HSDL2: variants seen among roughly 807,000 people sequenced by gnomAD.
HSDL2 encodes the protein hydroxysteroid dehydrogenase like 2.
A neutral mutation model predicts 46.3 loss-of-function variants in HSDL2; 27 were observed. That is an observed-to-expected ratio of 0.58 (90% CI 0.43 to 0.80). The LOEUF (loss-of-function observed/expected upper bound fraction) is 0.80, where lower values mean the gene tolerates loss of function less well. HSDL2 is among the 30% of genes least tolerant of loss of function. HSDL2 has a pLI of 0.00. For missense variants in HSDL2, 451 were observed against 502.7 expected (o/e 0.90, Z 0.98); for synonymous variants, 153 against 163.6 (o/e 0.94, Z 0.50).
chr9:112,445,345 C>T (rs898973487), intron 8 of HSDL2, among the ~76,000 whole-genome samples: 1 of 152,056 alleles, frequency 6.6e-6, no homozygotes, highest in Non-Finnish European at 1.5e-5. Flanking sequence ...TAAGTTTGTC[C>T]TCTGTATTAA....
chr9:112,410,509 A>G (rs938371458), intron 4 of HSDL2, among the ~76,000 whole-genome samples: 2 of 152,092 alleles, frequency 1.3e-5, no homozygotes, highest in Non-Finnish European at 2.9e-5. Context: ...ACGAGGGTTA[A>G]ATGTCTAAGT....
chr9:112,439,024 A>G (rs1019479195), intron 7 of HSDL2, among the ~76,000 whole-genome samples: 3 of 152,176 alleles, frequency 2.0e-5, no homozygotes, highest in African/African-American at 7.2e-5. Context: ...TATTTGAGAA[A>G]GGGTCTCACT....
intron 3 of HSDL2, among the ~76,000 whole-genome samples, chr9:112,407,174 C>G (rs2132626005): frequency 6.6e-6 from 1 of 152,296 alleles, no homozygotes. Flanking sequence ...AATGTGAATG[C>G]CTGTGTCAGA....
intron 8 of HSDL2, among the ~76,000 whole-genome samples, chr9:112,443,180 CT>C (rs1832678755): frequency 6.6e-6 from 1 of 152,166 alleles, no homozygotes; most frequent in African/African-American, 2.4e-5. Context: ...TTGGATCTGT[CT>C]TTTAGAAGAA....
chr9:112,444,691 T>C (rs1832711331), intron 8 of HSDL2, among the ~76,000 whole-genome samples: 1 of 151,546 alleles, frequency 6.6e-6, no homozygotes, highest in Admixed American at 6.6e-5. Context: ...TGAGCTATGA[T>C]CAAGCCATTA....
At chr9:112,408,862 A>T (rs1163881256) in intron 3 of HSDL2, 45 bp from the exon 4 acceptor site, 5 of 1,059,974 alleles carry the variant, frequency 4.7e-6, no homozygotes, top group Admixed American at 2.0e-5. Context: ...TTTGTGTGTG[A>T]TAAAAAGTCT....
Position 112,458,895 on chromosome 9 carries a change from A to G in HSDL2, c.1016-554A>G, listed in dbSNP as rs376503150. Among the ~76,000 whole-genome samples, 6 of 151,786 alleles carry G rather than the reference A, an allele frequency of 4.0e-5. No individual in the cohort carries two copies. The East Asian group carries it at 5.9e-4, about 15-fold the overall frequency. ...ACTAGGGAGGCTGAGGCAGGAGAAT[A>G]GCATGAACCCGGGAGGCGGAGCTTG... On this transcript the variant is annotated intron_variant, in intron 9 of 10. Transcript: ENST00000398805.
intron 8 of HSDL2, among the ~76,000 whole-genome samples, chr9:112,445,358 A>G (rs1832733553): frequency 6.6e-6 from 1 of 152,156 alleles, no homozygotes; most frequent in Admixed American, 6.5e-5. Context: ...TGTATTAAAA[A>G]GGACAGTCTG....
chr9:112,412,715 G>T (rs1831902768), intron 4 of HSDL2, among the ~76,000 whole-genome samples: 1 of 152,072 alleles, frequency 6.6e-6, no homozygotes, highest in Non-Finnish European at 1.5e-5. Context: ...AGCCCATTTG[G>T]CAAAAATAAT....
intron 9 of HSDL2, among the ~76,000 whole-genome samples, chr9:112,457,977 A>ATATCATCT (rs1156507595): frequency 6.6e-6 from 1 of 152,162 alleles, no homozygotes; most frequent in East Asian, 1.9e-4. Context: ...AAACCTTACC[A>ATATCATCT]TATCATCTTC....
At chr9:112,411,393 G>A (rs540653942) in intron 4 of HSDL2, among the ~76,000 whole-genome samples, 81 of 152,196 alleles carry the variant, frequency 5.3e-4, no homozygotes, top group Non-Finnish European at 1.0e-3. Flanking sequence ...TATGGCAAAT[G>A]GCTGGGCACA....
intron 9 of HSDL2, among the ~76,000 whole-genome samples, chr9:112,455,923 A>G (rs1051187786): frequency 3.3e-5 from 5 of 152,116 alleles, no homozygotes; most frequent in Admixed American, 1.3e-4. Flanking sequence ...GTGCATCTCA[A>G]GCTCTAATGT....
rs191727854 is a variant in HSDL2 at position 112,434,776 on chromosome 9, T to C, written c.599-3655T>C. 2.7e-3 allele frequency among the ~76,000 whole-genome samples: 408 copies of C among 152,318 alleles called. 2 individuals carry two copies. Among genetic ancestry groups the C allele is most frequent in the African/African-American group, 9.4e-3 (389 of 41,568 alleles). On this transcript the variant is annotated intron_variant, in intron 6 of 10. Coordinates refer to ENST00000398805, the MANE Select transcript of HSDL2 (RefSeq NM_032303.5). The stretch of plus-strand genomic sequence containing the variant: ...TATTTTAAGCCTCATACACACTTCA[T>C]ATGTTTATGTGAAAGGAAATCTTTG...
chr9:112,442,268 CAAAAAAAAAAAA>C (rs71382431), intron 8 of HSDL2, among the ~76,000 whole-genome samples: 3 of 47,442 alleles, frequency 6.3e-5, no homozygotes, highest in African/African-American at 2.4e-4. Flanking sequence ...GACCCTGTCT[CAAAAAAAAAAAA>C]AAAAAAAAAA....
intron 10 of HSDL2, among the ~76,000 whole-genome samples, chr9:112,466,988 A>G (rs1166259689): frequency 2.6e-5 from 4 of 152,238 alleles, no homozygotes; most frequent in Non-Finnish European, 5.9e-5. Context: ...CTATAGATAC[A>G]TGGGTTTAGT....
intron 8 of HSDL2, 28 bp from the exon 9 acceptor site, chr9:112,453,985 G>A: frequency 6.2e-7 from 1 of 1,605,052 alleles, no homozygotes; most frequent in Admixed American, 1.7e-5. Context: ...CAAGCATTAA[G>A]GTCATTTGCT....
At chr9:112,398,038 T>C (rs1419301506) in intron 1 of HSDL2, among the ~76,000 whole-genome samples, 2 of 152,036 alleles carry the variant, frequency 1.3e-5, no homozygotes, top group African/African-American at 2.4e-5. Context: ...GGACTCGGCA[T>C]AGAAATGACA....
rs77723117 is a variant in HSDL2 at position 112,389,410 on chromosome 9, T to C, written c.17+9230T>C. Among the ~76,000 whole-genome samples the C allele has an allele frequency of 4.1e-4, 62 of 152,266 alleles. No homozygotes were observed. The East Asian group carries it at 7.5e-3, about 18-fold the overall frequency. On this transcript the variant is annotated intron_variant, in intron 1 of 10. Transcript: ENST00000398805. ...GAAAATGAGCACAAATGCTAAATCA[T>C]TGGGGTAAAATATTAACAATACATG...
At chr9:112,454,322 G>C (rs551845987) in intron 9 of HSDL2, among the ~76,000 whole-genome samples, 160 bp downstream of exon 9, 1 of 152,116 alleles carries the variant, frequency 6.6e-6, no homozygotes, top group Non-Finnish European at 1.5e-5. Flanking sequence ...CATAACTATT[G>C]ATTTGTTTTT....
Sources: gnomAD v4.1 joint callset for allele counts (sites outside exome capture counted in the v4.1 genomes callset) on GRCh38, gnomAD v4.1.1 for gene constraint, MANE v1.5 for transcripts, NCBI Gene and HGNC (gene_info 2026-07-23, HGNC 2026-07-21) for gene names.